Variants in CSMD2 observed in about 807,000 individuals in gnomAD.
CSMD2 encodes the protein CUB and Sushi multiple domains 2.
CSMD2 carries 130 observed loss-of-function variants against 398.5 expected under a neutral mutation model. That is an observed-to-expected ratio of 0.33 (90% CI 0.28 to 0.38). The LOEUF (loss-of-function observed/expected upper bound fraction) is 0.38, where lower values mean the gene tolerates loss of function less well. Among genes scored for constraint, CSMD2 ranks in the 10% least tolerant of loss-of-function variants. The probability of loss-of-function intolerance (pLI) is 1.00; values close to 1 mark genes in which losing one functional copy is unlikely to be tolerated. For missense variants in CSMD2, 3,829 were observed against 4,764.9 expected, an observed-to-expected ratio of 0.80 and a Z score of 5.78; for synonymous variants, 1,828 against 1,908.5, an observed-to-expected ratio of 0.96 and a Z score of 1.10.
At chr1:34,010,916 C>T (rs765623191) in intron 3 of CSMD2, among the ~76,000 whole-genome samples, 9 of 152,292 alleles carry the variant, frequency 5.9e-5, no homozygotes, top group East Asian at 1.9e-4. Context: ...TGAGCCACCG[C>T]GCCTGGCCAG....
intron 23 of CSMD2, 118 bp from the exon 24 acceptor site, chr1:33,699,062 C>G (rs1645519796): frequency 1.3e-6 from 1 of 745,892 alleles, no homozygotes; most frequent in South Asian, 2.1e-5. Flanking sequence ...ACCCTGGGTT[C>G]TGATGGATTC....
chr1:33,715,309 C>T (rs1646130770), intron 20 of CSMD2, among the ~76,000 whole-genome samples: 1 of 152,024 alleles, frequency 6.6e-6, no homozygotes, highest in Admixed American at 6.5e-5. Flanking sequence ...CTCCAAATGC[C>T]TGACGAGAAG....
chr1:34,156,030 A>G (rs1640777441), intron 1 of CSMD2, among the ~76,000 whole-genome samples: 1 of 152,222 alleles, frequency 6.6e-6, no homozygotes, highest in Non-Finnish European at 1.5e-5. Flanking sequence ...AGGATCTGCT[A>G]TGAGTCAGCC....
At chr1:33,583,428 C>T (rs1019790302) in intron 47 of CSMD2, among the ~76,000 whole-genome samples, 2 of 152,124 alleles carry the variant, frequency 1.3e-5, no homozygotes, top group Non-Finnish European at 2.9e-5. Flanking sequence ...AGAAAAGGTT[C>T]GGTAACAGGT....
chr1:34,083,224 G>A (rs933241106), intron 2 of CSMD2, among the ~76,000 whole-genome samples: 1 of 152,162 alleles, frequency 6.6e-6, no homozygotes, highest in Non-Finnish European at 1.5e-5. Context: ...AAAAAGTGCA[G>A]CATGGAAAAT....
At chr1:34,086,777 C>T (rs1200518205) in intron 2 of CSMD2, among the ~76,000 whole-genome samples, 1 of 152,158 alleles carries the variant, frequency 6.6e-6, no homozygotes, top group Non-Finnish European at 1.5e-5. Flanking sequence ...CACAGCAGGT[C>T]CCTTTTCTGC....
intron 1 of CSMD2, among the ~76,000 whole-genome samples, chr1:34,091,218 G>A (rs370822201): frequency 1.3e-5 from 2 of 152,164 alleles, no homozygotes; most frequent in African/African-American, 4.8e-5. Flanking sequence ...CCACATGTGA[G>A]TTTGCCCATC....
Position 33,537,012 on chromosome 1 carries a change from ACCT to A in CSMD2, c.9879+7_9879+9del, listed in dbSNP as rs1349024396. ...ATGTAGGAAGACCCTATCTTGGCTG[ACCT>A]CCTTACCTGGTAGCCCTGAGAATTG... On this transcript the variant is annotated splice_region_variant and intron_variant, in intron 62 of 70. Coordinates refer to ENST00000373381, the MANE Select transcript of CSMD2 (RefSeq NM_001281956.2). This position sits in a 1 kb window ranked among gnomAD's most constrained non-coding sequence, Gnocchi z 4.6. 1.2e-6 allele frequency: 2 copies of A among 1,613,672 alleles called. No individual in the cohort carries two copies. Among genetic ancestry groups the A allele is most frequent in the South Asian group, 1.1e-5 (1 of 91,066 alleles).
chr1:33,993,560 C>CT (rs76809956), intron 3 of CSMD2, among the ~76,000 whole-genome samples: 13,226 of 152,108 alleles, frequency 0.087, 1,157 homozygotes, highest in East Asian at 0.42. Context: ...CAGCCAGCCT[C>CT]TCCCTCTCTC....
intron 56 of CSMD2, among the ~76,000 whole-genome samples, chr1:33,549,331 C>G (rs1320036615): frequency 6.6e-6 from 1 of 152,154 alleles, no homozygotes; most frequent in Non-Finnish European, 1.5e-5. Flanking sequence ...GAACATCAAG[C>G]TGCACAAGCA....
At position 33,577,258 on chromosome 1, in the gene CSMD2, C is replaced by T. The variant is rs1389559; in HGVS notation, c.7576+38G>A. ...ACAAACCCAAGATATGAGTTGGATC[C>T]GAGCTACCTTGTGACCCCCTTTCCA... On this transcript the variant is annotated intron_variant, in intron 49 of 70. Transcript: ENST00000373381. 11,586 of 1,548,906 alleles carry T rather than the reference C, an allele frequency of 7.5e-3. 704 individuals are homozygous for T. The African/African-American group carries it at 0.13, about 18-fold the overall frequency.
chr1:33,819,876 C>T (rs770671935), intron 8 of CSMD2, 39 bp from the exon 9 acceptor site: 17 of 1,610,008 alleles, frequency 1.1e-5, no homozygotes, highest in Admixed American at 1.7e-5. Context: ...CATCCCTGGG[C>T]CTGCCAAGCC....
rs748131668 is a variant in CSMD2, at chr1:33,825,686, C to A, written c.1111+11G>T. ...GAGGCCCGGCAGGCGGGCTGGCGGG[C>A]GGACACTTACACACAGACGTCTTCT... On this transcript the variant is annotated intron_variant, in intron 7 of 70. Coordinates refer to ENST00000373381, the MANE Select transcript of CSMD2 (RefSeq NM_001281956.2). 11 of 1,581,206 alleles carry A rather than the reference C, an allele frequency of 7.0e-6. No homozygotes were observed. In the Admixed American group the frequency reaches 7.2e-5, roughly 10 times the overall value.
chr1:33,818,960 T>C (rs909646593), intron 9 of CSMD2, among the ~76,000 whole-genome samples: 3 of 152,198 alleles, frequency 2.0e-5, no homozygotes, highest in Non-Finnish European at 4.4e-5. Flanking sequence ...GCAACATATC[T>C]TCTCCTCTAA....
upstream of CSMD2, chr1:34,165,317 G>C: frequency 2.5e-6 from 3 of 1,198,066 alleles, no homozygotes; most frequent in Non-Finnish European, 1.0e-6. Context: ...GTTCGCGCCG[G>C]GGGGCGGGAG....
intron 24 of CSMD2, among the ~76,000 whole-genome samples, chr1:33,694,498 G>A (rs1645351095): frequency 6.6e-6 from 1 of 152,088 alleles, no homozygotes; most frequent in African/African-American, 2.4e-5. Context: ...TAGTGAGTGA[G>A]CTCTCACGAG....
intron 12 of CSMD2, among the ~76,000 whole-genome samples, chr1:33,779,045 C>T (rs953121983): frequency 2.0e-5 from 3 of 152,156 alleles, no homozygotes; most frequent in Non-Finnish European, 4.4e-5. Flanking sequence ...CTGGCTCTTC[C>T]TTCTATTTCA....
At chr1:33,914,385 AGTGTGTGT>A (rs72433922) in intron 5 of CSMD2, among the ~76,000 whole-genome samples, 5 of 139,806 alleles carry the variant, frequency 3.6e-5, no homozygotes, top group Non-Finnish European at 6.2e-5. Context: ...ACGATTTGGC[AGTGTGTGT>A]GTGTGTGTGT....
intron 1 of CSMD2, among the ~76,000 whole-genome samples, chr1:34,118,442 A>G (rs1295385712): frequency 6.6e-6 from 1 of 152,174 alleles, no homozygotes; most frequent in Non-Finnish European, 1.5e-5. Flanking sequence ...AACAAAAGTC[A>G]TCCAAACTAA....
Sources: allele counts gnomAD v4.1 joint callset (sites outside exome capture counted in the v4.1 genomes callset), GRCh38; gene constraint gnomAD v4.1.1; non-coding constraint Gnocchi (gnomAD v3.1); transcripts MANE v1.5; gene names NCBI Gene and HGNC (gene_info 2026-07-23, HGNC 2026-07-21).